Variants in SNX31 observed in about 807,000 individuals in gnomAD.
SNX31 encodes the protein sorting nexin-31.
SNX31 carries 58 observed loss-of-function variants against 65.4 expected under a neutral mutation model. The ratio of observed to expected loss-of-function variants is 0.89; its 90% CI spans 0.72 to 1.10. The LOEUF is 1.10. Among genes scored for constraint, SNX31 ranks in the 50% least tolerant of loss-of-function variants. The pLI is 0.00. For missense variants in SNX31, 523 were observed against 529.7 expected, an observed-to-expected ratio of 0.99 and a Z score of 0.12; for synonymous variants, 181 against 190.1, an observed-to-expected ratio of 0.95 and a Z score of 0.39.
intron 4 of SNX31, chr8:100,618,316 T>C (rs1817410283): frequency 1.3e-6 from 2 of 1,533,254 alleles, no homozygotes; most frequent in Admixed American, 3.9e-5. Flanking sequence ...CTTAACAGTC[T>C]CATAATTAAC....
rs199699157 is a variant in SNX31 at position 100,636,014 on chromosome 8, G to A, written c.142-3C>T. ...CAATTTCCAAAGACCCGCCTTAGCT[G>A]AAAGATCCAGGAAACACAGTTAAGG... On this transcript the variant is annotated splice_region_variant and splice_polypyrimidine_tract_variant and intron_variant, in intron 2 of 13. Transcript: ENST00000311812. 9 of 1,611,150 alleles carry A rather than the reference G, an allele frequency of 5.6e-6. No individual in the cohort carries two copies. Among genetic ancestry groups the A allele is most frequent in the Non-Finnish European group, 7.6e-6 (9 of 1,177,342 alleles).
At chr8:100,584,300 C>T in intron 11 of SNX31, 112 bp from the exon 12 acceptor site, 1 of 712,170 alleles carries the variant, frequency 1.4e-6, no homozygotes, top group South Asian at 2.4e-5. Flanking sequence ...AACACAGATT[C>T]AAGAATTTAG....
At chr8:100,602,018 C>T (rs948555739) in intron 8 of SNX31, among the ~76,000 whole-genome samples, 10 of 152,222 alleles carry the variant, frequency 6.6e-5, no homozygotes, top group South Asian at 2.1e-4. Context: ...CACACACACT[C>T]GGCCTGTGCT....
In SNX31 at chr8:100,613,857, T is replaced by G. The variant is rs1257853614; in HGVS notation, c.433-772A>C. Among the ~76,000 whole-genome samples the G allele has an allele frequency of 1.3e-5, 2 of 152,060 alleles. No homozygotes were observed. Among genetic ancestry groups the G allele is most frequent in the African/African-American group, 4.8e-5 (2 of 41,396 alleles). On this transcript the variant is annotated intron_variant, in intron 5 of 13. Transcript: ENST00000311812. The surrounding 1 kb of genome is among the most constrained non-coding windows in gnomAD (Gnocchi z 5.2). ...GCCATCTGCCCAGCCCAGCCCCTATTTAACACTGGGCTCTCGAGTAATTTC... is the reference window on the plus strand; with the variant it reads ...GCCATCTGCCCAGCCCAGCCCCTATGTAACACTGGGCTCTCGAGTAATTTC...
chr8:100,581,454 G>C (rs1482253388), intron 12 of SNX31, among the ~76,000 whole-genome samples: 1 of 151,598 alleles, frequency 6.6e-6, no homozygotes, highest in Non-Finnish European at 1.5e-5. Flanking sequence ...TTCATAAACA[G>C]AGCACAAGTT....
At chr8:100,634,693 G>A (rs564013309) in intron 3 of SNX31, among the ~76,000 whole-genome samples, 4 of 151,544 alleles carry the variant, frequency 2.6e-5, no homozygotes, top group Middle Eastern at 3.4e-3. Context: ...AGGTTGCAGT[G>A]AGCCAAGGTC....
At position 100,600,460 on chromosome 8, in the gene SNX31, G is replaced by A. The variant is rs893774415; in HGVS notation, c.682-19C>T. 4.4e-6 allele frequency: 7 copies of A among 1,594,334 alleles called. No individual in the cohort carries two copies. Among genetic ancestry groups the A allele is most frequent in the East Asian group, 2.2e-5 (1 of 44,596 alleles). On this transcript the variant is annotated intron_variant, in intron 8 of 13. Coordinates refer to ENST00000311812, the MANE Select transcript of SNX31 (RefSeq NM_152628.4). The stretch of plus-strand genomic sequence containing the variant: ...GTATTGCCTTAAAATAACATAAGTT[G>A]TAAAATTAGCAGTCTTAGCAGAAAT...
At chr8:100,662,569 C>T (rs1030700887) in intron 1 of SNX31, among the ~76,000 whole-genome samples, 4 of 152,058 alleles carry the variant, frequency 2.6e-5, no homozygotes, top group African/African-American at 4.8e-5. Context: ...TTGTGGCAGG[C>T]GCCTATAATC....
rs1587117088 is a variant in SNX31 at position 100,660,305 on chromosome 8, G to T, written c.-58+2837C>A. On this transcript the variant is annotated intron_variant, in intron 1 of 5. Transcript: ENST00000520352. The surrounding 1 kb of genome is among the most constrained non-coding windows in gnomAD (Gnocchi z 4.1). The stretch of plus-strand genomic sequence containing the variant: ...TTAAAAAACTAAAGCAGAAAGAGGT[G>T]AGCTTGTCCCAGTCACATTGTTTAA... 1.3e-5 allele frequency among the ~76,000 whole-genome samples: 2 copies of T among 152,296 alleles called. No individual in the cohort carries two copies. Among genetic ancestry groups the T allele is most frequent in the African/African-American group, 4.8e-5 (2 of 41,554 alleles).
At position 100,610,576 on chromosome 8, in the gene SNX31, C is replaced by A. The variant is rs552789320; in HGVS notation, c.611+1424G>T. 6.6e-6 allele frequency among the ~76,000 whole-genome samples: 1 copy of A among 152,190 alleles called. No individual in the cohort carries two copies. The highest frequency in any genetic ancestry group is 1.5e-5 in the Non-Finnish European group (1 of 68,046). On this transcript the variant is annotated intron_variant, in intron 7 of 13. Coordinates refer to ENST00000311812, the MANE Select transcript of SNX31 (RefSeq NM_152628.4). The surrounding 1 kb of genome is among the most constrained non-coding windows in gnomAD (Gnocchi z 4.0). The stretch of plus-strand genomic sequence containing the variant: ...CTTGGCTAGGTTTACGCAGCTAAGA[C>A]CTGAGCAAGGCGCAACTTAGATTCA...
rs1818285866 is a variant in SNX31 at position 100,629,608 on chromosome 8, C to T, written c.321+719G>A. 6.6e-6 allele frequency among the ~76,000 whole-genome samples: 1 copy of T among 152,210 alleles called. No individual in the cohort carries two copies. The highest frequency in any genetic ancestry group is 2.1e-4 in the South Asian group (1 of 4,832). ...TTTTGCAAATCTGATCATTCCTCCC[C>T]TGGCTAAGGATCCAGTTAACTAGTA... is the stretch of plus-strand genomic sequence containing the variant. On this transcript the variant is annotated intron_variant, in intron 4 of 13. Transcript: ENST00000311812. The surrounding 1 kb of genome is among the most constrained non-coding windows in gnomAD (Gnocchi z 5.1).
intron 3 of SNX31, among the ~76,000 whole-genome samples, chr8:100,631,437 CT>C (rs10652417): frequency 0.13 from 16,774 of 129,290 alleles, 1,033 homozygotes; most frequent in African/African-American, 0.28. Context: ...TGCTGTTTTA[CT>C]TTTTTTTTTT....
rs1048947687 is a variant in SNX31, at chr8:100,604,337, G to A, written c.682-3896C>T. Among the ~76,000 whole-genome samples the A allele has an allele frequency of 6.6e-5, 10 of 152,246 alleles. No homozygotes were observed. Among genetic ancestry groups the A allele is most frequent in the African/African-American group, 2.4e-4 (10 of 41,466 alleles). On this transcript the variant is annotated intron_variant, in intron 8 of 13. Coordinates refer to ENST00000311812, the MANE Select transcript of SNX31 (RefSeq NM_152628.4). The surrounding 1 kb of genome is among the most constrained non-coding windows in gnomAD (Gnocchi z 4.3). ...TAAGCCATAGTCTTCCTGACCTTCA[G>A]TCTCACACGCTCTAGTGTCCTCTGC...
Position 100,596,711 on chromosome 8 carries a change from G to A in SNX31, c.906C>T (p.Thr302=), listed in dbSNP as rs758358251. The part of the protein sequence containing the change: ...VGNNEISCCI[T]LPDSQTQDIV... ...TGTCCTGGGTCTGGCTGTCAGGCAG[G>A]GTGATGCAGCAGCTGATCTCATTAT... is the stretch of plus-strand genomic sequence containing the variant. The change falls in exon 10 of 14, where the codon ACC becomes ACT. Residue 302 remains threonine, a synonymous_variant. Transcript: ENST00000311812. 11 of 1,614,088 alleles carry A rather than the reference G, an allele frequency of 6.8e-6. No individual in the cohort carries two copies. In the East Asian group the frequency reaches 2.5e-4, roughly 36 times the overall value.
chr8:100,609,589 G>A lies in SNX31; in HGVS notation c.612-1026C>T, dbSNP rs1816518809. On this transcript the variant is annotated intron_variant, in intron 7 of 13. Coordinates refer to ENST00000311812, the MANE Select transcript of SNX31 (RefSeq NM_152628.4). The surrounding 1 kb of genome is among the most constrained non-coding windows in gnomAD (Gnocchi z 4.9). Reference sequence around the variant, plus strand: ...AAGGGACTGAAACTGTCAGGAAAGGGTACCTATGGCTGATCTCTACCAACC... The same window carrying A: ...AAGGGACTGAAACTGTCAGGAAAGGATACCTATGGCTGATCTCTACCAACC... Among the ~76,000 whole-genome samples, 1 of 152,116 alleles carries A rather than the reference G, an allele frequency of 6.6e-6. No individual in the cohort carries two copies. The highest frequency in any genetic ancestry group is 2.4e-5 in the African/African-American group (1 of 41,406).
chr8:100,638,403 G>A (rs1008248507), intron 2 of SNX31, among the ~76,000 whole-genome samples: 1 of 152,172 alleles, frequency 6.6e-6, no homozygotes, highest in African/African-American at 2.4e-5. Flanking sequence ...ATTGTAATTT[G>A]CTACTGAGTT....
chr8:100,583,305 C>T (rs1452417285), intron 12 of SNX31, among the ~76,000 whole-genome samples: 4 of 151,976 alleles, frequency 2.6e-5, no homozygotes. Context: ...GGGGGTTCAC[C>T]ATGTTGGCCA....
Position 100,613,791 on chromosome 8 carries a change from C to A in SNX31, c.433-706G>T, listed in dbSNP as rs535946539. Among the ~76,000 whole-genome samples the A allele has an allele frequency of 6.6e-6, 1 of 152,294 alleles. No homozygotes were observed. Among genetic ancestry groups the A allele is most frequent in the South Asian group, 2.1e-4 (1 of 4,828 alleles). On this transcript the variant is annotated intron_variant, in intron 5 of 13. Coordinates refer to ENST00000311812, the MANE Select transcript of SNX31 (RefSeq NM_152628.4). The surrounding 1 kb of genome is among the most constrained non-coding windows in gnomAD (Gnocchi z 5.2). The stretch of plus-strand genomic sequence containing the variant: ...ACAGCATTGGACATCTACTCACGCT[C>A]CCTTAGCAGAAAATTCTACACGACC...
At chr8:100,641,625 C>CAGAT (rs1819236777) in intron 2 of SNX31, among the ~76,000 whole-genome samples, 1 of 48,836 alleles carries the variant, frequency 2.0e-5, no homozygotes, top group African/African-American at 9.4e-5. Context: ...CACACACGCG[C>CAGAT]ATATATATAT....
Sources: gnomAD v4.1 joint callset for allele counts (sites outside exome capture counted in the v4.1 genomes callset) on GRCh38, gnomAD v4.1.1 for gene constraint, Gnocchi (gnomAD v3.1) non-coding constraint, MANE v1.5 for transcripts, NCBI Gene and HGNC (gene_info 2026-07-23, HGNC 2026-07-21) for gene names.